Variants in RYR2 observed in about 807,000 individuals in gnomAD.
RYR2 encodes the protein ryanodine receptor 2.
In RYR2, 227 loss-of-function variants were observed where a neutral mutation model predicts 601.1. That is an observed-to-expected ratio of 0.38 (90% CI 0.34 to 0.42). The LOEUF is 0.42. Among genes scored for constraint, RYR2 ranks in the 10% least tolerant of loss-of-function variants. RYR2 has a pLI of 1.00. For synonymous variants in RYR2, 2,223 were observed against 2,175.1 expected (o/e 1.02, Z -0.61); for missense variants, 4,646 against 6,156.5 (o/e 0.75, Z 8.21).
chr1:237,377,202 A>G, intron 7 of RYR2, 121 bp from the exon 8 acceptor site: 3 of 646,634 alleles, frequency 4.6e-6, no homozygotes. Flanking sequence ...TTCATGGTGT[A>G]AGAGATTAAT....
At chr1:237,380,603 G>C (rs1206373578) in intron 8 of RYR2, among the ~76,000 whole-genome samples, 1 of 151,082 alleles carries the variant, frequency 6.6e-6, no homozygotes, top group African/African-American at 2.4e-5. Context: ...AAATTATTTA[G>C]TAAGTTACTG....
chr1:237,679,461 G>C (rs774017189), intron 61 of RYR2, among the ~76,000 whole-genome samples: 5 of 152,146 alleles, frequency 3.3e-5, no homozygotes, highest in Non-Finnish European at 7.3e-5. Flanking sequence ...GGAAAAAGAA[G>C]TATGTTTAGA....
At chr1:237,703,215 T>G (rs1235792882) in intron 66 of RYR2, among the ~76,000 whole-genome samples, 1 of 152,026 alleles carries the variant, frequency 6.6e-6, no homozygotes, top group Non-Finnish European at 1.5e-5. Context: ...CAGAAAATCC[T>G]TTCCATTTAC....
chr1:237,232,884 C>T (rs1685149699), intron 1 of RYR2, among the ~76,000 whole-genome samples: 1 of 152,118 alleles, frequency 6.6e-6, no homozygotes, highest in Non-Finnish European at 1.5e-5. Context: ...TGTGTGGTAT[C>T]AGAGCAGAGG....
chr1:237,719,119 TG>T (rs1377885112), intron 73 of RYR2, among the ~76,000 whole-genome samples: 6 of 152,018 alleles, frequency 3.9e-5, no homozygotes, highest in Admixed American at 3.9e-4. Flanking sequence ...ATTAGCTGGA[TG>T]GTGGTGCACA....
intron 1 of RYR2, among the ~76,000 whole-genome samples, chr1:237,143,811 C>T (rs1264317246): frequency 6.6e-6 from 1 of 152,142 alleles, no homozygotes. Context: ...ACCAAAATCT[C>T]CCAACCCAGT....
In RYR2 at chr1:237,397,826, A is replaced by G. The variant is rs563753671; in HGVS notation, c.773+9643A>G. Among the ~76,000 whole-genome samples the G allele has an allele frequency of 3.1e-3, 467 of 150,372 alleles. 7 individuals carry two copies. The highest frequency in any genetic ancestry group is 0.011 in the African/African-American group (448 of 40,664). On this transcript the variant is annotated intron_variant, in intron 10 of 104. Coordinates refer to ENST00000366574, the MANE Select transcript of RYR2 (RefSeq NM_001035.3). ...AAGCTCCGCCTCCCAGGTTCACGCC[A>G]TTCTCCTGCCTCAGCCTCCCGAGTA...
chr1:237,619,294 A>G (rs1181095879), intron 38 of RYR2, among the ~76,000 whole-genome samples: 32 of 152,154 alleles, frequency 2.1e-4, no homozygotes, highest in Admixed American at 2.1e-3. Context: ...ATGGAAAAGA[A>G]ATAGAAAGCC....
intron 87 of RYR2, among the ~76,000 whole-genome samples, chr1:237,776,282 G>A (rs1694651756): frequency 6.6e-6 from 1 of 151,958 alleles, no homozygotes. Context: ...TTATAACCAG[G>A]GATGAAGGAA....
At chr1:237,276,728 C>A (rs1690325995) in intron 2 of RYR2, among the ~76,000 whole-genome samples, 1 of 152,068 alleles carries the variant, frequency 6.6e-6, no homozygotes. Flanking sequence ...ACTTTAAAAT[C>A]TTCATGAAAT....
chr1:237,488,865 G>A (rs949449904), intron 17 of RYR2, among the ~76,000 whole-genome samples: 7 of 152,156 alleles, frequency 4.6e-5, no homozygotes, highest in African/African-American at 1.7e-4. Flanking sequence ...CTCACACAAA[G>A]CCTGTTGGTG....
intron 12 of RYR2, among the ~76,000 whole-genome samples, chr1:237,430,784 C>G (rs1327196890): frequency 6.6e-6 from 1 of 152,110 alleles, no homozygotes. Flanking sequence ...TTTGAATGTT[C>G]TTGATAGAGA....
At chr1:237,582,284 A>G (rs1380332716) in intron 29 of RYR2, among the ~76,000 whole-genome samples, 1 of 143,386 alleles carries the variant, frequency 7.0e-6, no homozygotes, top group Non-Finnish European at 1.5e-5. Context: ...TTTTTTTTGT[A>G]TTTTTAGTAG....
rs764180215 is a variant in RYR2 at position 237,718,433 on chromosome 1, C to A, written c.10495-29C>A. The A allele has an allele frequency of 2.5e-6, 3 of 1,222,662 alleles. No individual in the cohort carries two copies. The African/African-American group carries it at 4.4e-5, about 18-fold the overall frequency. The allele number at this position is 1,222,662 out of a possible 1,614,324, so 75.7% of individuals were successfully genotyped here. On this transcript the variant is annotated intron_variant, in intron 72 of 104. Transcript: ENST00000366574. ...GTGACAGTTGATGCAATAGAAGACT[C>A]CTTTTAGGTAACATATATTTCTTGA...
chr1:237,617,116 A>G (rs1336646313), intron 37 of RYR2, among the ~76,000 whole-genome samples, 170 bp from the exon 38 acceptor site: 1 of 152,222 alleles, frequency 6.6e-6, no homozygotes, highest in African/African-American at 2.4e-5. Flanking sequence ...GCTTATACAA[A>G]TTATGTTTCA....
intron 1 of RYR2, among the ~76,000 whole-genome samples, chr1:237,196,549 T>C (rs1282634023): frequency 1.3e-5 from 2 of 152,184 alleles, no homozygotes; most frequent in Non-Finnish European, 2.9e-5. Flanking sequence ...TTGATAGTGA[T>C]TTATTGTTGT....
intron 87 of RYR2, among the ~76,000 whole-genome samples, chr1:237,776,242 A>G (rs765843908): frequency 7.2e-5 from 11 of 152,166 alleles, no homozygotes; most frequent in Non-Finnish European, 1.2e-4. Flanking sequence ...TTGCTTTCAA[A>G]CCAGAGCTGT....
At chr1:237,511,296 CA>C (rs764004466) in intron 23 of RYR2, among the ~76,000 whole-genome samples, 26,437 of 88,186 alleles carry the variant, frequency 0.3, 2,779 homozygotes, top group African/African-American at 0.44. Context: ...GTGTATGGAC[CA>C]AAAAAAAAAA....
chr1:237,682,015 G>T (rs190082096), intron 62 of RYR2, among the ~76,000 whole-genome samples: 1 of 152,220 alleles, frequency 6.6e-6, no homozygotes, highest in African/African-American at 2.4e-5. Context: ...AGAAAATAGA[G>T]AAAAATTCAA....
Sources: allele counts gnomAD v4.1 joint callset (sites outside exome capture counted in the v4.1 genomes callset), GRCh38; gene constraint gnomAD v4.1.1; transcripts MANE v1.5; gene names NCBI Gene and HGNC (gene_info 2026-07-23, HGNC 2026-07-21).